The following SHANK2 variants were observed in gnomAD, a reference collection of about 807,000 sequenced individuals.
The protein encoded by SHANK2 is SH3 and multiple ankyrin repeat domains protein 2.
In SHANK2, 43 loss-of-function variants were observed where a neutral mutation model predicts 133.7. That is an observed-to-expected ratio of 0.32 (90% CI 0.25 to 0.41). SHANK2 has a LOEUF of 0.41. SHANK2 is among the 10% of genes least tolerant of loss of function. SHANK2 has a pLI of 1.00. For synonymous variants in SHANK2, 1,017 were observed against 952.8 expected (o/e 1.07, Z -1.24); for missense variants, 1,994 against 2,235.8 (o/e 0.89, Z 2.18).
chr11:70,878,725 T>C (rs1949610360), intron 11 of SHANK2, among the ~76,000 whole-genome samples: 1 of 152,186 alleles, frequency 6.6e-6, no homozygotes, highest in Admixed American at 6.5e-5. Context: ...AACTTCCTCC[T>C]GCTCCATCAA....
At position 71,148,525 on chromosome 11, in the gene SHANK2, G is replaced by A. The variant is rs536086121; in HGVS notation, c.-12-1187C>T. Among the ~76,000 whole-genome samples the A allele has an allele frequency of 6.7e-4, 102 of 152,354 alleles. 2 individuals carry two copies. The Middle Eastern group carries it at 0.024, about 36-fold the overall frequency. On this transcript the variant is annotated intron_variant, in intron 2 of 25. Transcript: ENST00000601538. ...AAGTTGGCTTGACCCAGGGATGGCA[G>A]GGACTGGGGGAGGAGGGGCCATGCT...
intron 10 of SHANK2, among the ~76,000 whole-genome samples, chr11:70,905,144 G>C (rs1221102870): frequency 7.9e-5 from 12 of 152,136 alleles, no homozygotes; most frequent in Non-Finnish European, 1.6e-4. Context: ...GCTTGATGGT[G>C]GGAAATGAGC....
chr11:70,566,072 A>G (rs1554981857), intron 17 of SHANK2, among the ~76,000 whole-genome samples: 1 of 152,190 alleles, frequency 6.6e-6, no homozygotes, highest in African/African-American at 2.4e-5. Context: ...GGCAAGAGAG[A>G]ATGGGAGCCA....
chr11:71,058,481 T>C (rs1358629787), intron 9 of SHANK2, among the ~76,000 whole-genome samples: 1 of 152,272 alleles, frequency 6.6e-6, no homozygotes, highest in African/African-American at 2.4e-5. Flanking sequence ...ACTATTAGAA[T>C]AATTTTGCCT....
intron 1 of SHANK2, among the ~76,000 whole-genome samples, chr11:71,247,179 G>A (rs782036571): frequency 3.9e-5 from 6 of 152,154 alleles, no homozygotes; most frequent in Non-Finnish European, 8.8e-5. Flanking sequence ...GCTCACTTAC[G>A]TATCCGTCAA....
intron 11 of SHANK2, among the ~76,000 whole-genome samples, chr11:70,871,242 C>G (rs1416710999): frequency 6.6e-6 from 1 of 152,232 alleles, no homozygotes; most frequent in Non-Finnish European, 1.5e-5. Context: ...GGACACACTT[C>G]AAAGGGGAGT....
At chr11:70,790,372 A>G (rs1163658890) in intron 14 of SHANK2, among the ~76,000 whole-genome samples, 1 of 152,212 alleles carries the variant, frequency 6.6e-6, no homozygotes, top group Non-Finnish European at 1.5e-5. Flanking sequence ...GGACCAGGCT[A>G]TAGCACCCAG....
At chr11:70,565,297 T>C (rs1030355181) in intron 17 of SHANK2, among the ~76,000 whole-genome samples, 7 of 152,180 alleles carry the variant, frequency 4.6e-5, no homozygotes, top group Non-Finnish European at 8.8e-5. Context: ...AAGGCTGGAG[T>C]GCAGTGGTGC....
intron 2 of SHANK2, among the ~76,000 whole-genome samples, chr11:71,214,478 G>A (rs909181234): frequency 1.3e-5 from 2 of 152,172 alleles, no homozygotes; most frequent in Admixed American, 6.5e-5. Flanking sequence ...AAAAGACATC[G>A]TGATTTAGCG....
chr11:70,848,989 T>G (rs1259828060), intron 11 of SHANK2, among the ~76,000 whole-genome samples: 1 of 152,040 alleles, frequency 6.6e-6, no homozygotes, highest in Non-Finnish European at 1.5e-5. Flanking sequence ...TGATGCTGCG[T>G]GAATGAGTCA....
intron 17 of SHANK2, among the ~76,000 whole-genome samples, chr11:70,585,320 A>C (rs2060234606): frequency 6.6e-6 from 1 of 152,162 alleles, no homozygotes; most frequent in South Asian, 2.1e-4. Flanking sequence ...TTTGAAGCAG[A>C]GAATTTGGGA....
chr11:71,222,339 C>T lies in SHANK2; in HGVS notation c.-13+2358G>A, dbSNP rs192104980. On this transcript the variant is annotated intron_variant, in intron 2 of 25. Transcript: ENST00000601538. ...TCTCCTTCCCATTAATCGCAGCCGCCAGGGTTGCAGGGTTGCAGGGCTGCT... is the reference window on the plus strand; with the variant it reads ...TCTCCTTCCCATTAATCGCAGCCGCTAGGGTTGCAGGGTTGCAGGGCTGCT... Among the ~76,000 whole-genome samples the T allele has an allele frequency of 2.4e-3, 363 of 152,320 alleles. 4 individuals carry two copies. Among genetic ancestry groups the T allele is most frequent in the African/African-American group, 8.4e-3 (349 of 41,586 alleles).
At chr11:70,621,601 C>A (rs2060830185) in intron 17 of SHANK2, among the ~76,000 whole-genome samples, 2 of 152,210 alleles carry the variant, frequency 1.3e-5, no homozygotes, top group Admixed American at 1.3e-4. Flanking sequence ...AAATTCTTCC[C>A]AGCTCCTTCA....
At chr11:70,955,422 GGTGTGTGTGTGTGTGT>G (rs1186144718) in intron 10 of SHANK2, among the ~76,000 whole-genome samples, 7 of 146,564 alleles carry the variant, frequency 4.8e-5, no homozygotes, top group South Asian at 2.2e-4. Flanking sequence ...AGACCCACGG[GGTGTGTGTGTGTGTGT>G]GTGTGTGTGT....
chr11:70,874,821 T>A (rs1949530985), intron 11 of SHANK2, among the ~76,000 whole-genome samples: 1 of 152,196 alleles, frequency 6.6e-6, no homozygotes, highest in South Asian at 2.1e-4. Context: ...ATAGTTACTG[T>A]GCCCTCATGT....
intron 17 of SHANK2, among the ~76,000 whole-genome samples, chr11:70,606,820 A>C (rs1554992600): frequency 6.6e-6 from 1 of 152,206 alleles, no homozygotes; most frequent in African/African-American, 2.4e-5. Context: ...CGCAGCAGGA[A>C]GATACGGAAG....
chr11:71,146,352 C>T (rs112438156), intron 3 of SHANK2, among the ~76,000 whole-genome samples: 2 of 152,022 alleles, frequency 1.3e-5, no homozygotes, highest in African/African-American at 2.4e-5. Context: ...CAAGATGAAG[C>T]CACACCCCTT....
In SHANK2 at chr11:70,486,477, G is replaced by A. The variant is rs1555153640; in HGVS notation, c.3816C>T (p.Pro1272=). 1 of 1,614,088 alleles carries A rather than the reference G, an allele frequency of 6.2e-7. No homozygotes were observed. Among genetic ancestry groups the A allele is most frequent in the Admixed American group, 1.7e-5 (1 of 60,028 alleles). ...TGTTCTCCGTCTCCTGCCGCCTCAG[G>A]GGTCCCCGGGTGTTCTGCCTGGTGA... ...PTVTRQNTRG[P]LRRQETENKY... The change falls in exon 25 of 26, where the codon CCC becomes CCT. Residue 1272 remains proline, a synonymous_variant. Transcript: ENST00000601538. The surrounding 1 kb of genome is among the most constrained non-coding windows in gnomAD (Gnocchi z 8.0).
rs2061108827 is a variant in SHANK2 at position 70,636,913 on chromosome 11, T to C, written c.2061+22915A>G. Among the ~76,000 whole-genome samples, 6 of 152,186 alleles carry C rather than the reference T, an allele frequency of 3.9e-5. No individual in the cohort carries two copies. The South Asian group carries it at 1.2e-3, about 32-fold the overall frequency. ...ATGTGTGCAAGTGTGTGTGAACATG[T>C]GTACCGTTTCCTGGGGTTGTCACGA... On this transcript the variant is annotated intron_variant, in intron 17 of 25. Transcript: ENST00000601538.
Sources: gnomAD v4.1 joint callset for allele counts (sites outside exome capture counted in the v4.1 genomes callset) on GRCh38, gnomAD v4.1.1 for gene constraint, Gnocchi (gnomAD v3.1) non-coding constraint, MANE v1.5 for transcripts, NCBI Gene and HGNC (gene_info 2026-07-23, HGNC 2026-07-21) for gene names.